Variants in WDR17 observed in about 807,000 individuals in gnomAD.
WDR17 encodes WD repeat-containing protein 17.
In WDR17, 143 loss-of-function variants were observed where a neutral mutation model predicts 161.7. The observed-to-expected ratio is 0.88, with a 90% CI of 0.77 to 1.02. The LOEUF is 1.02. Ranked by LOEUF, WDR17 falls within the 50% of genes least tolerant of loss-of-function variation. The pLI is 0.00. For synonymous variants in WDR17, 517 were observed against 515.6 expected, an observed-to-expected ratio of 1.00 and a Z score of -0.04; for missense variants, 1,469 against 1,520.9, an observed-to-expected ratio of 0.97 and a Z score of 0.57.
At chr4:176,082,060 T>C (rs1734815664) in intron 1 of WDR17, among the ~76,000 whole-genome samples, 1 of 152,268 alleles carries the variant, frequency 6.6e-6, no homozygotes, top group East Asian at 1.9e-4. Flanking sequence ...CTTTTTTTTT[T>C]CTGCTTTGTT....
At chr4:176,127,776 G>GT (rs1440485814) in intron 5 of WDR17, among the ~76,000 whole-genome samples, 1 of 152,066 alleles carries the variant, frequency 6.6e-6, no homozygotes, top group African/African-American at 2.4e-5. Flanking sequence ...GTACTCATCA[G>GT]CAGTTACTCT....
chr4:176,088,182 T>C (rs1735664391), intron 1 of WDR17, among the ~76,000 whole-genome samples: 1 of 152,092 alleles, frequency 6.6e-6, no homozygotes, highest in Admixed American at 6.6e-5. Flanking sequence ...AATTATCTGG[T>C]AAAAATACTT....
Position 176,151,808 on chromosome 4 carries a change from C to T in WDR17, c.2305-4C>T. On this transcript the variant is annotated splice_region_variant and splice_polypyrimidine_tract_variant and intron_variant, in intron 16 of 28. Transcript: ENST00000508596. ...TTTAAATTCTATTTTCTTTTTAAAA[C>T]CAGTCTGAAGCTCAAGAACTAACAA... 1 of 1,545,774 alleles carries T rather than the reference C, an allele frequency of 6.5e-7. No individual in the cohort carries two copies. The highest frequency in any genetic ancestry group is 8.7e-7 in the Non-Finnish European group (1 of 1,151,466).
intron 1 of WDR17, among the ~76,000 whole-genome samples, chr4:176,066,361 T>C (rs962395890): frequency 2.0e-4 from 30 of 152,180 alleles, no homozygotes; most frequent in African/African-American, 7.0e-4. Context: ...TCGAGGGACA[T>C]TGTTTTATTT....
intron 28 of WDR17, 37 bp downstream of exon 28, chr4:176,177,691 C>A: frequency 6.5e-7 from 1 of 1,527,450 alleles, no homozygotes; most frequent in Non-Finnish European, 8.7e-7. Flanking sequence ...GTGTATTTCA[C>A]CATTTTACAT....
chr4:176,098,750 A>T (rs1737306583), intron 1 of WDR17, among the ~76,000 whole-genome samples: 1 of 152,002 alleles, frequency 6.6e-6, no homozygotes, highest in East Asian at 1.9e-4. Flanking sequence ...GTAATAATAT[A>T]TATTCAATAA....
chr4:176,111,800 G>T lies in WDR17; in HGVS notation c.123+97G>T, dbSNP rs1040033347. The T allele has an allele frequency of 1.5e-4, 160 of 1,086,246 alleles. No individual in the cohort carries two copies. In the African/African-American group the frequency reaches 2.4e-3, roughly 16 times the overall value. 67.3% of individuals were successfully genotyped at this position (1,086,246 alleles called of 1,614,324 possible). A position where few individuals can be genotyped will look rare whatever the true frequency, so the allele number is the denominator to read the frequency against. ...GTCCTTGTTACATGAAAAACATAAT[G>T]CTATAATTCCATTTATATTTATATT... On this transcript the variant is annotated intron_variant, in intron 2 of 28. Coordinates refer to ENST00000508596, the MANE Select transcript of WDR17 (RefSeq NM_181265.4).
intron 1 of WDR17, among the ~76,000 whole-genome samples, chr4:176,070,977 TC>T (rs1218452793): frequency 6.6e-6 from 1 of 152,178 alleles, no homozygotes; most frequent in Non-Finnish European, 1.5e-5. Flanking sequence ...CAATGGGGAA[TC>T]CTAAGTTTGA....
chr4:176,178,126 T>G (rs931224387), intron 28 of WDR17, among the ~76,000 whole-genome samples: 1 of 148,810 alleles, frequency 6.7e-6, no homozygotes, highest in Non-Finnish European at 1.5e-5. Context: ...GCTTCCATGC[T>G]AGCCCAATGA....
chr4:176,114,277 C>G (rs1246116091), intron 2 of WDR17, among the ~76,000 whole-genome samples: 1 of 151,970 alleles, frequency 6.6e-6, no homozygotes. Context: ...CTTAAAATTG[C>G]TATTGCTGCA....
intron 16 of WDR17, among the ~76,000 whole-genome samples, 167 bp from the exon 17 acceptor site, chr4:176,151,645 A>C (rs992069351): frequency 4.6e-5 from 7 of 152,236 alleles, no homozygotes. Flanking sequence ...TGATGAAATC[A>C]GGGTAATTGG....
At chr4:176,118,308 C>G (rs1395356042) in intron 3 of WDR17, among the ~76,000 whole-genome samples, 3 of 152,256 alleles carry the variant, frequency 2.0e-5, no homozygotes, top group Admixed American at 6.5e-5. Context: ...AGTCGGAGAA[C>G]CAGTATTCTA....
intron 25 of WDR17, 99 bp from the exon 26 acceptor site, chr4:176,174,518 T>C (rs1014928661): frequency 1.3e-6 from 1 of 798,782 alleles, no homozygotes; most frequent in Non-Finnish European, 1.8e-6. Context: ...GCTATAAATG[T>C]CACCTTTCAG....
intron 4 of WDR17, among the ~76,000 whole-genome samples, chr4:176,124,258 G>T (rs1003240418): frequency 3.9e-5 from 6 of 152,288 alleles, no homozygotes; most frequent in East Asian, 1.9e-4. Flanking sequence ...GAGAGGACTT[G>T]CCCAGTGGAG....
chr4:176,179,465 T>G lies in WDR17; in HGVS notation c.3738T>G (p.Pro1246=). 6.3e-7 allele frequency: 1 copy of G among 1,598,434 alleles called. No homozygotes were observed. The highest frequency in any genetic ancestry group is 8.5e-7 in the Non-Finnish European group (1 of 1,171,522). Residue 1246 remains proline (P), a synonymous_variant, in exon 29 of 29, where the codon CCT becomes CCG. Coordinates refer to ENST00000508596, the MANE Select transcript of WDR17 (RefSeq NM_181265.4). ...SCLTGLKIQG[P]VFFLEDGKSA... Reference sequence around the variant, plus strand: ...CCTCAACTCTCACTGTGCAGGGCCCTGTGTTTTTCCTTGAAGACGGGAAAT... The same window carrying G: ...CCTCAACTCTCACTGTGCAGGGCCCGGTGTTTTTCCTTGAAGACGGGAAAT...
chr4:176,152,414 G>A (rs1223273198), intron 17 of WDR17, among the ~76,000 whole-genome samples: 1 of 151,382 alleles, frequency 6.6e-6, no homozygotes, highest in Non-Finnish European at 1.5e-5. Flanking sequence ...GGCCAACATG[G>A]GGAAACCTTG....
chr4:176,124,222 G>A (rs1485482086), intron 4 of WDR17, among the ~76,000 whole-genome samples: 1 of 152,186 alleles, frequency 6.6e-6, no homozygotes, highest in African/African-American at 2.4e-5. Flanking sequence ...TCTCTAACTA[G>A]ATGCTTCACT....
At chr4:176,075,280 T>G (rs1733818057) in intron 1 of WDR17, among the ~76,000 whole-genome samples, 1 of 152,078 alleles carries the variant, frequency 6.6e-6, no homozygotes. Context: ...ATTTCTAATA[T>G]TGTGAGTCGA....
chr4:176,160,170 G>A, intron 19 of WDR17, 44 bp downstream of exon 19: 4 of 1,605,734 alleles, frequency 2.5e-6, no homozygotes, highest in Non-Finnish European at 3.4e-6. Context: ...GAATGCTTGA[G>A]CATGTAGAAG....
Sources: allele counts gnomAD v4.1 joint callset (sites outside exome capture counted in the v4.1 genomes callset), GRCh38; gene constraint gnomAD v4.1.1; transcripts MANE v1.5; gene names NCBI Gene and HGNC (gene_info 2026-07-23, HGNC 2026-07-21).